The following EDEM1 variants were observed in gnomAD, a reference collection of about 807,000 sequenced individuals.
The protein encoded by EDEM1 is ER degradation enhancing alpha-mannosidase like protein 1.
EDEM1 carries 67 observed loss-of-function variants against 74.4 expected under a neutral mutation model. The observed-to-expected ratio is 0.90, with a 90% CI of 0.74 to 1.10. The LOEUF is 1.10. EDEM1 is among the 50% of genes least tolerant of loss of function. EDEM1 has a pLI of 0.00. For missense variants in EDEM1, 926 were observed against 851.6 expected, an observed-to-expected ratio of 1.09 and a Z score of -1.09; for synonymous variants, 382 against 335.9, an observed-to-expected ratio of 1.14 and a Z score of -1.50.
In EDEM1 at chr3:5,193,759, A is replaced by G. The variant is rs527871698; in HGVS notation, c.510-1450A>G. On this transcript the variant is annotated intron_variant, in intron 1 of 11. Coordinates refer to ENST00000256497, the MANE Select transcript of EDEM1 (RefSeq NM_014674.3). The stretch of plus-strand genomic sequence containing the variant: ...ATTACAGGCGCCTGCCACCACGCCC[A>G]GCTAATTTTTGTATTTTTAGTAGAG... Among the ~76,000 whole-genome samples, 124 of 152,226 alleles carry G rather than the reference A, an allele frequency of 8.1e-4. 1 individual carries two copies. The highest frequency in any genetic ancestry group is 2.9e-3 in the African/African-American group (120 of 41,556).
intron 2 of EDEM1, among the ~76,000 whole-genome samples, chr3:5,198,279 C>T (rs2054994043): frequency 2.0e-5 from 3 of 152,148 alleles, no homozygotes; most frequent in Admixed American, 2.0e-4. Context: ...GAACTCTTGG[C>T]CTGAAGTGAT....
chr3:5,190,578 TTTGGTTTGGTTATGCA>T (rs1335853543), intron 1 of EDEM1, among the ~76,000 whole-genome samples: 1 of 152,154 alleles, frequency 6.6e-6, no homozygotes, highest in Non-Finnish European at 1.5e-5. Context: ...CGATGAGTGT[TTTGGTTTGGTTATGCA>T]TTGGTTTGGT....
In EDEM1 at chr3:5,205,241, G is replaced by C; in HGVS notation, c.1217G>C (p.Gly406Ala). 2.5e-6 allele frequency: 4 copies of C among 1,611,930 alleles called. No individual in the cohort carries two copies. Among genetic ancestry groups the C allele is most frequent in the Non-Finnish European group, 3.4e-6 (4 of 1,178,806 alleles). ...AGTATTCAGAACTACTTAAGAAGAG[G>C]GTATGTCTCCCTAACATCTCCTCTG... ...YQSIQNYLRR[G>A]REACNEGEGD... is the part of the protein sequence containing the mutation. Residue 406 changes from glycine (G) to alanine (A), a missense_variant and splice_region_variant, in exon 6 of 12, where the codon GGG becomes GCG. Gly to Ala is a moderately conservative substitution (Grantham distance 60, BLOSUM62 0). Coordinates refer to ENST00000256497, the MANE Select transcript of EDEM1 (RefSeq NM_014674.3).
chr3:5,204,809 A>G (rs773512763), intron 5 of EDEM1, among the ~76,000 whole-genome samples: 2 of 152,200 alleles, frequency 1.3e-5, no homozygotes, highest in Non-Finnish European at 2.9e-5. Context: ...GAAAAGCAAA[A>G]TGAGAAACCT....
intron 1 of EDEM1, among the ~76,000 whole-genome samples, chr3:5,189,765 TA>T (rs761452246): frequency 8.1e-4 from 123 of 152,290 alleles, no homozygotes; most frequent in Non-Finnish European, 1.4e-3. Flanking sequence ...CACGCCCGGC[TA>T]ATTTTTTGTA....
chr3:5,195,431 A>C, intron 2 of EDEM1, 150 bp downstream of exon 2: 1 of 422,492 alleles, frequency 2.4e-6, no homozygotes. Flanking sequence ...AATGACCTTA[A>C]TGGGGAGAAC....
chr3:5,188,711 G>C (rs2054861744), intron 1 of EDEM1, among the ~76,000 whole-genome samples: 1 of 152,164 alleles, frequency 6.6e-6, no homozygotes, highest in African/African-American at 2.4e-5. Context: ...CATGCCCCCC[G>C]TGTAAACGCA....
rs1034197369 is a variant in EDEM1, at chr3:5,216,157, C to T, written c.*239C>T. 15 of 513,588 alleles carry T rather than the reference C, an allele frequency of 2.9e-5. No homozygotes were observed. Among genetic ancestry groups the T allele is most frequent in the African/African-American group, 2.6e-4 (13 of 50,208 alleles). 31.8% of individuals were successfully genotyped at this position (513,588 alleles called of 1,614,324 possible). A position where few individuals can be genotyped will look rare whatever the true frequency, so the allele number is the denominator to read the frequency against. ...AGTGAGAAGATACATGGAAATTGCC[C>T]TCTTATGACATGTTGATGTTATAAG... is the stretch of plus-strand genomic sequence containing the variant. On this transcript the variant is annotated 3_prime_UTR_variant, in exon 12 of 12. Transcript: ENST00000256497.
chr3:5,188,038 G>C lies in EDEM1; in HGVS notation c.233G>C (p.Gly78Ala). The C allele has an allele frequency of 1.4e-6, 2 of 1,444,896 alleles. No individual in the cohort carries two copies. The highest frequency in any genetic ancestry group is 2.8e-5 in the Admixed American group (1 of 35,216). The allele number at this position is 1,444,896 out of a possible 1,614,324, so 89.5% of individuals were successfully genotyped here. The change falls in exon 1 of 12, where the codon GGG (glycine) becomes GCG (alanine). Residue 78 changes from glycine (G) to alanine (A), a missense_variant. Coordinates refer to ENST00000256497, the MANE Select transcript of EDEM1 (RefSeq NM_014674.3). Reference sequence around the variant, plus strand: ...TCGTGGCTGCAGCCGCCGGGGACCGGGGCAGCGCAGAGCCCGCGCAAGGCT... The same window carrying C: ...TCGTGGCTGCAGCCGCCGGGGACCGCGGCAGCGCAGAGCCCGCGCAAGGCT... ...GPSWLQPPGTGAAQSPRKAPR... is the reference protein window; with the variant it reads ...GPSWLQPPGTAAAQSPRKAPR...
Position 5,213,486 on chromosome 3 carries a change from A to T in EDEM1, c.1848A>T (p.Lys616Asn). 2 of 1,613,670 alleles carry T rather than the reference A, an allele frequency of 1.2e-6. No homozygotes were observed. The highest frequency in any genetic ancestry group is 1.7e-6 in the Non-Finnish European group (2 of 1,179,762). ...GGGGAAAGTCTGTGCACAGGCCGAA[A>T]CCTCATGAGTTAAAAGTCATCAACT... ...DQGGKSVHRP[K>N]PHELKVINSS... is the part of the protein sequence containing the mutation. The change falls in exon 11 of 12, where the codon AAA becomes AAT. Residue 616 changes from lysine (K) to asparagine (N), a missense_variant. By Grantham distance (94) the Lys-to-Asn change is moderately conservative (BLOSUM62 0). Coordinates refer to ENST00000256497, the MANE Select transcript of EDEM1 (RefSeq NM_014674.3).
chr3:5,195,138 T>G, intron 1 of EDEM1, 71 bp from the exon 2 acceptor site: 1 of 827,838 alleles, frequency 1.2e-6, no homozygotes, highest in Non-Finnish European at 1.8e-6. Flanking sequence ...TAGTTTCTGA[T>G]GGGTGTTTAC....
Position 5,217,053 on chromosome 3 carries a change from G to A in EDEM1, c.*1135G>A, listed in dbSNP as rs374185696. 5 of 152,702 alleles carry A rather than the reference G, an allele frequency of 3.3e-5. No individual in the cohort carries two copies. The East Asian group carries it at 5.8e-4, about 18-fold the overall frequency. 9.5% of individuals were successfully genotyped at this position (152,702 alleles called of 1,614,324 possible). Reference sequence around the variant, plus strand: ...GTGCCTTATATTGGTTTTGGTTTGGGGCACTGGATGTCGCAGCTACTGCTA... The same window carrying A: ...GTGCCTTATATTGGTTTTGGTTTGGAGCACTGGATGTCGCAGCTACTGCTA... On this transcript the variant is annotated 3_prime_UTR_variant, in exon 12 of 12. Coordinates refer to ENST00000256497, the MANE Select transcript of EDEM1 (RefSeq NM_014674.3).
In EDEM1 at chr3:5,203,138, C is replaced by A; in HGVS notation, c.1031C>A (p.Thr344Lys). The stretch of plus-strand genomic sequence containing the variant: ...CTTTGGAACCTCCGGAGCAATGATA[C>A]AGGATTACTAGGTGTGGCACCTTTC... ...KALWNLRSND[T>K]GLLGNVVNIQ... The change falls in exon 5 of 12, where the codon ACA becomes AAA. Residue 344 changes from threonine to lysine, a missense_variant. By Grantham distance (78) the Thr-to-Lys change is moderately conservative. Coordinates refer to ENST00000256497, the MANE Select transcript of EDEM1 (RefSeq NM_014674.3). 6.3e-7 allele frequency: 1 copy of A among 1,583,600 alleles called. No individual in the cohort carries two copies. Among genetic ancestry groups the A allele is most frequent in the Non-Finnish European group, 8.6e-7 (1 of 1,166,454 alleles).
chr3:5,213,517 T>G lies in EDEM1; in HGVS notation c.1879T>G (p.Ser627Ala). Reference protein sequence around the residue: ...PHELKVINSSSNCNRVPDERR... With the variant: ...PHELKVINSSANCNRVPDERR... ...TGAGTTAAAAGTCATCAACTCCAGC[T>G]CCAACGTGAGTTGCTTTTTCCAGGG... Residue 627 changes from serine (S) to alanine (A), a missense_variant, in exon 11 of 12, where the codon TCC becomes GCC. Ser to Ala is a moderately conservative substitution (Grantham distance 99). Transcript: ENST00000256497. 6.2e-7 allele frequency: 1 copy of G among 1,605,364 alleles called. No individual in the cohort carries two copies.
intron 1 of EDEM1, among the ~76,000 whole-genome samples, chr3:5,191,335 T>G (rs946519491): frequency 2.0e-5 from 3 of 152,076 alleles, no homozygotes; most frequent in Non-Finnish European, 4.4e-5. Flanking sequence ...GCAGTCCTCC[T>G]GCCTCAGCCT....
At position 5,207,355 on chromosome 3, in the gene EDEM1, G is replaced by A. The variant is rs147413073; in HGVS notation, c.1338+82G>A. The A allele has an allele frequency of 2.6e-4, 403 of 1,565,406 alleles. 3 individuals carry two copies. In the African/African-American group the frequency reaches 5.0e-3, roughly 19 times the overall value. On this transcript the variant is annotated intron_variant, in intron 7 of 11. Coordinates refer to ENST00000256497, the MANE Select transcript of EDEM1 (RefSeq NM_014674.3). The stretch of plus-strand genomic sequence containing the variant: ...CCTTTTCTTTCTTTTTTAATACCCT[G>A]AGCATTCTCTGTCTCCTTTGGATTT...
intron 1 of EDEM1, among the ~76,000 whole-genome samples, chr3:5,194,068 A>G: frequency 6.6e-6 from 1 of 152,358 alleles, no homozygotes; most frequent in Non-Finnish European, 1.5e-5. Flanking sequence ...GCAAGCCATC[A>G]CAACACGAGA....
chr3:5,207,326 C>A, intron 7 of EDEM1, 53 bp downstream of exon 7: 1 of 1,600,052 alleles, frequency 6.2e-7, no homozygotes, highest in South Asian at 1.1e-5. Flanking sequence ...AAGGGCTTCT[C>A]CCTCCTTTTC....
rs147871382 is a variant in EDEM1 at position 5,187,856 on chromosome 3, C to T, written c.51C>T (p.Leu17=). 17 of 1,596,978 alleles carry T rather than the reference C, an allele frequency of 1.1e-5. No homozygotes were observed. The highest frequency in any genetic ancestry group is 3.4e-5 in the Admixed American group (2 of 58,116). The change falls in exon 1 of 12, where the codon CTC becomes CTT. Residue 17 remains leucine, a synonymous_variant. Transcript: ENST00000256497. ...VLGLVLLRLG[L]HGVLWLVFGL... ...GGCTGGTGCTCCTCCGGCTTGGCCT[C>T]CATGGAGTATTGTGGCTCGTCTTCG...
Sources: gnomAD v4.1 joint callset for allele counts (sites outside exome capture counted in the v4.1 genomes callset) on GRCh38, gnomAD v4.1.1 for gene constraint, MANE v1.5 for transcripts, NCBI Gene and HGNC (gene_info 2026-07-23, HGNC 2026-07-21) for gene names.